TCF4: variants seen among roughly 807,000 people sequenced by gnomAD.
The protein encoded by TCF4 is transcription factor 4.
TCF4 carries 3 observed loss-of-function variants against 82.1 expected under a neutral mutation model. That is an observed-to-expected ratio of 0.04 (90% CI 0.02 to 0.09). The LOEUF is 0.09. TCF4 is among the 10% of genes least tolerant of loss of function. The probability of loss-of-function intolerance (pLI) is 1.00; values close to 1 mark genes in which losing one functional copy is unlikely to be tolerated. For synonymous variants in TCF4, 276 were observed against 309.6 expected, an observed-to-expected ratio of 0.89 and a Z score of 1.14; for missense variants, 518 against 852.7, an observed-to-expected ratio of 0.61 and a Z score of 4.89.
At chr18:55,464,184 T>C (rs2095951774) in intron 3 of TCF4, 47 bp from the exon 4 acceptor site, 1 of 1,548,740 alleles carries the variant, frequency 6.5e-7, no homozygotes, top group African/African-American at 1.4e-5. Flanking sequence ...AGTAATTTTT[T>C]CTTTTTGTAT....
chr18:55,632,075 G>A (rs1435160243), intron 1 of TCF4, among the ~76,000 whole-genome samples: 1 of 152,150 alleles, frequency 6.6e-6, no homozygotes, highest in Non-Finnish European at 1.5e-5. Context: ...GTCTCGCTCT[G>A]TGGCCCAGGC....
intron 6 of TCF4, among the ~76,000 whole-genome samples, chr18:55,402,828 C>A (rs942299771): frequency 6.6e-6 from 1 of 152,120 alleles, no homozygotes; most frequent in East Asian, 1.9e-4. Context: ...CATGCTATAC[C>A]TTTGTATTAC....
intron 8 of TCF4, among the ~76,000 whole-genome samples, chr18:55,300,145 C>A (rs865799684): frequency 6.6e-6 from 1 of 151,894 alleles, no homozygotes; most frequent in Non-Finnish European, 1.5e-5. Context: ...ATCTCTATTG[C>A]TGCTATTTTT....
rs2059977671 is a variant in TCF4 at position 55,269,858 on chromosome 18, G to A, written c.895C>T (p.Pro299Ser). ...NHYSTSSCTP[P>S]ANGTDSIMAN... is the part of the protein sequence containing the mutation. ...ATTATACTGTCTGTCCCGTTGGCAG[G>A]AGGCGTACAGGAAGAGGTGCTGTAA... The change falls in exon 11 of 20, where the codon CCT (proline) becomes TCT (serine). Residue 299 changes from proline (P) to serine (S), a missense_variant. Coordinates refer to ENST00000354452, the MANE Select transcript of TCF4 (RefSeq NM_001083962.2). 1.4e-5 allele frequency: 22 copies of A among 1,613,108 alleles called. No individual in the cohort carries two copies. Among genetic ancestry groups the A allele is most frequent in the Non-Finnish European group, 1.9e-5 (22 of 1,179,462 alleles).
chr18:55,430,294 A>G (rs1270002209), intron 5 of TCF4, among the ~76,000 whole-genome samples: 1 of 152,218 alleles, frequency 6.6e-6, no homozygotes, highest in Admixed American at 6.5e-5. Context: ...GTAACAGGAA[A>G]GGACCCTGAG....
At chr18:55,418,392 CATT>C (rs2094597266) in intron 5 of TCF4, among the ~76,000 whole-genome samples, 2 of 151,980 alleles carry the variant, frequency 1.3e-5, no homozygotes, top group African/African-American at 4.8e-5. Flanking sequence ...TCTAATGTAA[CATT>C]ATATTTGCAT....
At chr18:55,608,992 A>G (rs1863145748) in intron 2 of TCF4, among the ~76,000 whole-genome samples, 1 of 152,124 alleles carries the variant, frequency 6.6e-6, no homozygotes, top group East Asian at 1.9e-4. Context: ...AATGGAATTA[A>G]TGCCCTTATA....
intron 3 of TCF4, among the ~76,000 whole-genome samples, chr18:55,559,360 C>T (rs951991075): frequency 2.0e-5 from 3 of 151,830 alleles, no homozygotes; most frequent in Non-Finnish European, 2.9e-5. Context: ...ATATGTAGTA[C>T]GTTGCTAATG....
At chr18:55,622,200 CT>C (rs1411122591) in intron 2 of TCF4, among the ~76,000 whole-genome samples, 1 of 147,466 alleles carries the variant, frequency 6.8e-6, no homozygotes, top group African/African-American at 2.5e-5. Flanking sequence ...CTCTTCTTTT[CT>C]TTTATGTAGA....
At chr18:55,509,835 A>G (rs1338920707) in intron 3 of TCF4, among the ~76,000 whole-genome samples, 1 of 152,178 alleles carries the variant, frequency 6.6e-6, no homozygotes. Flanking sequence ...ACAGGAAGTT[A>G]AACTGTTAGG....
chr18:55,222,527 T>C lies in TCF4; in HGVS notation c.*5508A>G, dbSNP rs2046003410. On this transcript the variant is annotated 3_prime_UTR_variant, in exon 20 of 20. Transcript: ENST00000354452. ...ATTTGGCTATGGAGGGCACTTCACA[T>C]GTGAACCAAATGGCGTTATAACATT... 5 of 150,750 alleles carry C rather than the reference T, an allele frequency of 3.3e-5. No individual in the cohort carries two copies. Among genetic ancestry groups the C allele is most frequent in the Admixed American group, 2.6e-4 (4 of 15,118 alleles). 9.3% of individuals were successfully genotyped at this position (150,750 alleles called of 1,614,324 possible). A position where few individuals can be genotyped will look rare whatever the true frequency, so the allele number is the denominator to read the frequency against.
chr18:55,502,834 T>C (rs1293419897), intron 3 of TCF4, among the ~76,000 whole-genome samples: 1 of 152,210 alleles, frequency 6.6e-6, no homozygotes, highest in African/African-American at 2.4e-5. Context: ...CAGGAAAATT[T>C]CACAGCATAA....
intron 8 of TCF4, among the ~76,000 whole-genome samples, chr18:55,343,101 T>C (rs1440473): frequency 0.45 from 68,539 of 151,940 alleles, 15,997 homozygotes; most frequent in African/African-American, 0.58. Flanking sequence ...ATGGTAACAG[T>C]GACACTTTTT....
intron 14 of TCF4, among the ~76,000 whole-genome samples, chr18:55,255,658 G>A (rs1485613243): frequency 2.6e-5 from 4 of 152,046 alleles, no homozygotes; most frequent in African/African-American, 4.8e-5. Context: ...CTTGTTTCAC[G>A]TGTGTATGGG....
intron 14 of TCF4, 128 bp from the exon 15 acceptor site, chr18:55,254,828 C>G (rs926288705): frequency 1.1e-6 from 1 of 871,710 alleles, no homozygotes. Context: ...AAATGTATTT[C>G]CTTAAAACAA....
At chr18:55,400,154 A>AT (rs1178746066) in intron 6 of TCF4, among the ~76,000 whole-genome samples, 1 of 152,086 alleles carries the variant, frequency 6.6e-6, no homozygotes, top group Non-Finnish European at 1.5e-5. Flanking sequence ...AACAAATGAC[A>AT]TTTTTTCCCT....
chr18:55,341,500 G>A (rs569488984), intron 8 of TCF4, among the ~76,000 whole-genome samples: 36 of 152,278 alleles, frequency 2.4e-4, no homozygotes, highest in African/African-American at 7.9e-4. Context: ...TTTTATACCT[G>A]CTTTGTAGAC....
chr18:55,390,286 TAAAAAA>T (rs56965997), intron 6 of TCF4, among the ~76,000 whole-genome samples: 7 of 82,236 alleles, frequency 8.5e-5, no homozygotes, highest in East Asian at 8.2e-4. Context: ...CCCTGACTCT[TAAAAAA>T]AAAAAAAAAA....
At position 55,242,713 on chromosome 18, in the gene TCF4, G is replaced by A. The variant is rs185047338; in HGVS notation, c.1351-8030C>T. Among the ~76,000 whole-genome samples, 666 of 151,844 alleles carry A rather than the reference G, an allele frequency of 4.4e-3. 4 individuals carry two copies. The highest frequency in any genetic ancestry group is 0.015 in the African/African-American group (638 of 41,344). On this transcript the variant is annotated intron_variant, in intron 15 of 19. Transcript: ENST00000354452. ...CAACCTCCGCCTCCCGGGTTCAAGC[G>A]ATTCTCCTGCCTCAGCCTCCCCAGT...
Sources: gnomAD v4.1 joint callset for allele counts (sites outside exome capture counted in the v4.1 genomes callset) on GRCh38, gnomAD v4.1.1 for gene constraint, MANE v1.5 for transcripts, NCBI Gene and HGNC (gene_info 2026-07-23, HGNC 2026-07-21) for gene names.